Variants in BMP6 observed in about 807,000 individuals in gnomAD.
BMP6 encodes VG-1-R.
In BMP6, 17 loss-of-function variants were observed where a neutral mutation model predicts 54.1. The ratio of observed to expected loss-of-function variants is 0.31; its 90% CI spans 0.22 to 0.47. The LOEUF (loss-of-function observed/expected upper bound fraction) is 0.47. Among genes scored for constraint, BMP6 ranks in the 20% least tolerant of loss-of-function variants. The probability of loss-of-function intolerance (pLI) is 1.00; values close to 1 mark genes in which losing one functional copy is unlikely to be tolerated. For missense variants in BMP6, 720 were observed against 690.4 expected, an observed-to-expected ratio of 1.04 and a Z score of -0.48; for synonymous variants, 328 against 291.2, an observed-to-expected ratio of 1.13 and a Z score of -1.28.
intron 1 of BMP6, among the ~76,000 whole-genome samples, chr6:7,763,838 C>T (rs1757647963): frequency 6.6e-6 from 1 of 152,226 alleles, no homozygotes. Context: ...GTGACCTTCT[C>T]TCTGCCCACC....
chr6:7,781,737 C>G (rs568194899), intron 1 of BMP6, among the ~76,000 whole-genome samples: 12 of 151,426 alleles, frequency 7.9e-5, no homozygotes, highest in Admixed American at 3.3e-4. Context: ...GTTCCCTGAA[C>G]GAGCAAAAGC....
chr6:7,770,770 T>C (rs1176226269), intron 1 of BMP6, among the ~76,000 whole-genome samples: 1 of 152,240 alleles, frequency 6.6e-6, no homozygotes, highest in East Asian at 1.9e-4. Flanking sequence ...AGTCAGCAGT[T>C]ACACCAGGTG....
chr6:7,751,029 A>G (rs1581232343), intron 1 of BMP6, among the ~76,000 whole-genome samples: 1 of 152,172 alleles, frequency 6.6e-6, no homozygotes, highest in Non-Finnish European at 1.5e-5. Flanking sequence ...CAAAGTTTCA[A>G]ATGTTGTTGG....
chr6:7,759,315 C>T (rs188788829), intron 1 of BMP6, among the ~76,000 whole-genome samples: 11 of 152,264 alleles, frequency 7.2e-5, no homozygotes, highest in East Asian at 1.9e-4. Flanking sequence ...AGCAGTTCCA[C>T]GTGGAGGGGA....
chr6:7,803,844 G>A (rs540338562), intron 1 of BMP6, among the ~76,000 whole-genome samples: 20 of 151,934 alleles, frequency 1.3e-4, no homozygotes, highest in African/African-American at 4.8e-4. Flanking sequence ...TTACATAAAT[G>A]AACGCTGCAT....
At chr6:7,842,293 C>T (rs1373817622) in intron 1 of BMP6, among the ~76,000 whole-genome samples, 1 of 152,196 alleles carries the variant, frequency 6.6e-6, no homozygotes, top group South Asian at 2.1e-4. Flanking sequence ...ATGCAAAGGA[C>T]ATCCAAGATG....
intron 1 of BMP6, among the ~76,000 whole-genome samples, chr6:7,835,662 G>A (rs1331183617): frequency 3.3e-5 from 5 of 152,106 alleles, no homozygotes; most frequent in African/African-American, 9.7e-5. Context: ...GCAAAAATGC[G>A]GTTATTTGAC....
intron 1 of BMP6, among the ~76,000 whole-genome samples, chr6:7,806,599 A>G (rs1465346656): frequency 6.6e-6 from 1 of 152,190 alleles, no homozygotes; most frequent in African/African-American, 2.4e-5. Flanking sequence ...AAAAACAAAA[A>G]CAAAAACAAA....
intron 1 of BMP6, among the ~76,000 whole-genome samples, chr6:7,794,815 T>C (rs1456327120): frequency 2.6e-5 from 4 of 152,082 alleles, no homozygotes; most frequent in Non-Finnish European, 5.9e-5. Flanking sequence ...TGGACACAGG[T>C]TGGTCTGACT....
intron 1 of BMP6, among the ~76,000 whole-genome samples, chr6:7,775,930 C>T (rs187256191): frequency 2.0e-5 from 3 of 152,312 alleles, no homozygotes; most frequent in South Asian, 2.1e-4. Flanking sequence ...AACTTTACTT[C>T]GCACTCATTC....
intron 1 of BMP6, among the ~76,000 whole-genome samples, chr6:7,728,476 G>A (rs1027745387): frequency 6.6e-6 from 1 of 152,164 alleles, no homozygotes; most frequent in Non-Finnish European, 1.5e-5. Context: ...AATGTTCTGT[G>A]GCAAACCCGG....
chr6:7,800,066 C>T (rs900730849), intron 1 of BMP6, among the ~76,000 whole-genome samples: 2 of 143,444 alleles, frequency 1.4e-5, no homozygotes, highest in African/African-American at 2.7e-5. Context: ...AGTGTTATTA[C>T]GATAAAGGAA....
At chr6:7,784,113 C>T (rs1441245093) in intron 1 of BMP6, among the ~76,000 whole-genome samples, 1 of 152,194 alleles carries the variant, frequency 6.6e-6, no homozygotes, top group East Asian at 1.9e-4. Context: ...TTGCTTAAAT[C>T]ATCTTGTATA....
intron 1 of BMP6, among the ~76,000 whole-genome samples, chr6:7,761,671 C>T (rs1267443982): frequency 3.3e-5 from 5 of 152,190 alleles, no homozygotes; most frequent in Admixed American, 3.3e-4. Flanking sequence ...TCTTTACCTG[C>T]TCTTGGCCAA....
chr6:7,862,379 T>C lies in BMP6; in HGVS notation c.1085T>C (p.Phe362Ser), dbSNP rs1385872318. 6.8e-6 allele frequency: 11 copies of C among 1,614,062 alleles called. No homozygotes were observed. In the South Asian group the frequency reaches 9.9e-5, roughly 14 times the overall value. Residue 362 changes from phenylalanine (F) to serine (S), a missense_variant, in exon 4 of 7, where the codon TTC becomes TCC. Physicochemically the swap from Phe to Ser is radical, Grantham distance 155 (BLOSUM62 -2). This residue lies in a region of BMP6 where 650 missense variants were observed against 556.3 expected (regional missense o/e 1.17). Coordinates refer to ENST00000283147, the MANE Select transcript of BMP6 (RefSeq NM_001718.6). ...PYDKQPFMVA[F>S]FKVSEVHVRT... ...GACAAGCAGCCCTTCATGGTGGCTT[T>C]CTTCAAAGTGAGTGAGGTGCACGTG...
intron 1 of BMP6, among the ~76,000 whole-genome samples, chr6:7,759,711 TTTTTTTTTTG>T (rs1427354751): frequency 1.5e-5 from 2 of 136,510 alleles, no homozygotes; most frequent in African/African-American, 5.7e-5. Flanking sequence ...TTTTTTTTTT[TTTTTTTTTTG>T]GAGACTGAAT....
intron 1 of BMP6, among the ~76,000 whole-genome samples, chr6:7,820,462 C>T (rs913008332): frequency 6.6e-6 from 1 of 152,208 alleles, no homozygotes; most frequent in Non-Finnish European, 1.5e-5. Context: ...TGCGCATTGG[C>T]TCTTTTTGCT....
rs375552090 is a variant in BMP6 at position 7,817,945 on chromosome 6, T to C, written c.665-27195T>C. Among the ~76,000 whole-genome samples the C allele has an allele frequency of 1.1e-4, 17 of 152,320 alleles. No homozygotes were observed. The East Asian group carries it at 3.1e-3, about 28-fold the overall frequency. On this transcript the variant is annotated intron_variant, in intron 1 of 6. Coordinates refer to ENST00000283147, the MANE Select transcript of BMP6 (RefSeq NM_001718.6). ...GGATGGCAAGCCATCAGTCAGCTTG[T>C]CTGGGATGTCATGTTGTGGGCCCAA...
chr6:7,880,430 G>T lies in BMP6; in HGVS notation c.*87G>T, dbSNP rs1759698319. Reference sequence around the variant, plus strand: ...AAAAAACACGGAAGCACAGTTGGAGGTGGGACGATGAGACTTTGAAACTAT... The same window carrying T: ...AAAAAACACGGAAGCACAGTTGGAGTTGGGACGATGAGACTTTGAAACTAT... On this transcript the variant is annotated 3_prime_UTR_variant, in exon 7 of 7. Transcript: ENST00000283147. 6.5e-7 allele frequency: 1 copy of T among 1,545,260 alleles called. No homozygotes were observed. The highest frequency in any genetic ancestry group is 8.9e-7 in the Non-Finnish European group (1 of 1,129,392).
Sources: allele counts gnomAD v4.1 joint callset (sites outside exome capture counted in the v4.1 genomes callset), GRCh38; gene constraint gnomAD v4.1.1; regional missense constraint gnomAD v4.1.1; transcripts MANE v1.5; gene names NCBI Gene and HGNC (gene_info 2026-07-23, HGNC 2026-07-21).